The following CACNA2D3 variants were observed in gnomAD, a reference collection of about 807,000 sequenced individuals.
CACNA2D3 encodes voltage-dependent calcium channel subunit alpha-2/delta-3.
Under a neutral mutation model 160.6 loss-of-function variants are expected in CACNA2D3, and 60 were observed. That is an observed-to-expected ratio of 0.37 (90% CI 0.30 to 0.46). CACNA2D3 has a LOEUF of 0.46. Among genes scored for constraint, CACNA2D3 ranks in the 20% least tolerant of loss-of-function variants. The pLI is 1.00. For missense variants in CACNA2D3, 1,205 were observed against 1,365.0 expected, an observed-to-expected ratio of 0.88 and a Z score of 1.85; for synonymous variants, 558 against 492.9, an observed-to-expected ratio of 1.13 and a Z score of -1.75.
intron 5 of CACNA2D3, among the ~76,000 whole-genome samples, chr3:54,538,291 A>G (rs972037114): frequency 6.6e-6 from 1 of 152,176 alleles, no homozygotes; most frequent in Non-Finnish European, 1.5e-5. Flanking sequence ...CTATCAGCCA[A>G]TGAATCCCAT....
At chr3:54,961,304 G>A (rs576298818) in intron 27 of CACNA2D3, among the ~76,000 whole-genome samples, 3 of 152,276 alleles carry the variant, frequency 2.0e-5, no homozygotes, top group African/African-American at 7.2e-5. Context: ...TAAGAAATAT[G>A]ACCAGCAAGG....
At chr3:54,831,915 G>T (rs552341792) in intron 14 of CACNA2D3, among the ~76,000 whole-genome samples, 1 of 152,028 alleles carries the variant, frequency 6.6e-6, no homozygotes, top group Non-Finnish European at 1.5e-5. Flanking sequence ...GGCATTGGTG[G>T]AATTGATCTT....
intron 11 of CACNA2D3, among the ~76,000 whole-genome samples, chr3:54,715,857 T>G (rs1701041583): frequency 6.6e-6 from 1 of 152,222 alleles, no homozygotes; most frequent in Non-Finnish European, 1.5e-5. Flanking sequence ...AAGACAAATA[T>G]GTTTCATCTC....
chr3:54,263,482 C>T (rs569231714), intron 2 of CACNA2D3, among the ~76,000 whole-genome samples: 2 of 152,048 alleles, frequency 1.3e-5, no homozygotes, highest in Non-Finnish European at 1.5e-5. Context: ...GTAACTTGCC[C>T]AGGGTCACAC....
intron 12 of CACNA2D3, among the ~76,000 whole-genome samples, chr3:54,763,778 T>TAC (rs371030155): frequency 0.026 from 628 of 23,764 alleles, 89 homozygotes; most frequent in Non-Finnish European, 0.045. Flanking sequence ...TGTATATATG[T>TAC]ACATATATAT....
Position 54,478,281 on chromosome 3 carries a change from T to A in CACNA2D3, c.382-25211T>A, listed in dbSNP as rs117220017. Among the ~76,000 whole-genome samples, 187 of 152,240 alleles carry A rather than the reference T, an allele frequency of 1.2e-3. 1 individual carries two copies. Among genetic ancestry groups the A allele is most frequent in the African/African-American group, 4.0e-3 (168 of 41,558 alleles). ...CTCTTTGTATCTGCAGTTTCAGTTA[T>A]CTGAGGTGAACCATGGTCTGAAAAT... On this transcript the variant is annotated intron_variant, in intron 4 of 37. Transcript: ENST00000474759.
At chr3:54,833,889 G>A (rs1703931331) in intron 14 of CACNA2D3, among the ~76,000 whole-genome samples, 1 of 152,182 alleles carries the variant, frequency 6.6e-6, no homozygotes, top group African/African-American at 2.4e-5. Flanking sequence ...GGCCAAGCCA[G>A]TTCAAATTGG....
At chr3:54,990,912 A>G (rs1702724180) in intron 31 of CACNA2D3, among the ~76,000 whole-genome samples, 1 of 152,220 alleles carries the variant, frequency 6.6e-6, no homozygotes. Context: ...GTGTGAAACA[A>G]TCTAAGAGGC....
intron 2 of CACNA2D3, among the ~76,000 whole-genome samples, chr3:54,258,946 C>G (rs956661804): frequency 6.6e-5 from 10 of 152,226 alleles, no homozygotes; most frequent in Non-Finnish European, 1.5e-4. Context: ...ACTCATGTCT[C>G]TGCCATACTG....
intron 16 of CACNA2D3, among the ~76,000 whole-genome samples, chr3:54,842,975 G>A (rs1235354870): frequency 6.8e-6 from 1 of 147,704 alleles, no homozygotes; most frequent in Admixed American, 6.8e-5. Flanking sequence ...AAAAGTGAGT[G>A]TAGCTTTTTT....
intron 4 of CACNA2D3, among the ~76,000 whole-genome samples, chr3:54,414,066 T>C (rs534485862): frequency 2.6e-5 from 4 of 152,024 alleles, no homozygotes; most frequent in African/African-American, 9.6e-5. Flanking sequence ...TAAGAAATAG[T>C]ATAGTTTAAA....
At chr3:54,237,113 A>G (rs921270259) in intron 2 of CACNA2D3, among the ~76,000 whole-genome samples, 9 of 152,100 alleles carry the variant, frequency 5.9e-5, no homozygotes, top group Middle Eastern at 3.4e-3. Flanking sequence ...TTTGATTTCA[A>G]GGGTAGGAGG....
intron 27 of CACNA2D3, among the ~76,000 whole-genome samples, chr3:54,932,488 C>T (rs550401787): frequency 2.6e-5 from 4 of 152,232 alleles, no homozygotes; most frequent in South Asian, 2.1e-4. Context: ...ATATTCAACT[C>T]GCTACAACAA....
intron 3 of CACNA2D3, among the ~76,000 whole-genome samples, chr3:54,342,643 A>T (rs532807256): frequency 6.6e-6 from 1 of 152,234 alleles, no homozygotes. Context: ...CAAATCATTG[A>T]TAAGAACGGC....
chr3:54,896,773 G>T lies in CACNA2D3; in HGVS notation c.2271G>T (p.Lys757Asn). Residue 757 changes from lysine to asparagine, a missense_variant, in exon 26 of 38, where the codon AAG becomes AAT. By Grantham distance (94) the Lys-to-Asn change is moderately conservative (BLOSUM62 0). Coordinates refer to ENST00000474759, the MANE Select transcript of CACNA2D3 (RefSeq NM_018398.3). Reference sequence around the variant, plus strand: ...GGGACTTCCTGAAAGCTGGCGACAAGGAGAACATTTTTAACGCAGACCATT... The same window carrying T: ...GGGACTTCCTGAAAGCTGGCGACAATGAGAACATTTTTAACGCAGACCATT... The part of the protein sequence containing the change: ...TNQDFLKAGD[K>N]ENIFNADHFP... 6.2e-7 allele frequency: 1 copy of T among 1,613,998 alleles called. No individual in the cohort carries two copies. Among genetic ancestry groups the T allele is most frequent in the Non-Finnish European group, 8.5e-7 (1 of 1,179,860 alleles).
chr3:54,876,561 T>A (rs1033978414), intron 18 of CACNA2D3, among the ~76,000 whole-genome samples: 2 of 152,212 alleles, frequency 1.3e-5, no homozygotes, highest in Non-Finnish European at 2.9e-5. Flanking sequence ...AGAAATAATA[T>A]ATGATTTTTA....
At chr3:54,513,454 C>G (rs1297286012) in intron 5 of CACNA2D3, among the ~76,000 whole-genome samples, 2 of 152,184 alleles carry the variant, frequency 1.3e-5, no homozygotes, top group Non-Finnish European at 2.9e-5. Flanking sequence ...CCTACCCCAA[C>G]TCACTGAAGC....
intron 11 of CACNA2D3, among the ~76,000 whole-genome samples, chr3:54,744,476 A>G (rs1701712261): frequency 6.6e-6 from 1 of 152,172 alleles, no homozygotes; most frequent in South Asian, 2.1e-4. Flanking sequence ...AGGTAGGAGA[A>G]GGTTTATAGC....
intron 35 of CACNA2D3, among the ~76,000 whole-genome samples, chr3:55,066,066 T>C (rs143798792): frequency 1.3e-5 from 2 of 152,332 alleles, no homozygotes; most frequent in East Asian, 3.9e-4. Flanking sequence ...AGTCACCAAA[T>C]GTTTGCTCTC....
Sources: gnomAD v4.1 joint callset for allele counts (sites outside exome capture counted in the v4.1 genomes callset) on GRCh38, gnomAD v4.1.1 for gene constraint, MANE v1.5 for transcripts, NCBI Gene and HGNC (gene_info 2026-07-23, HGNC 2026-07-21) for gene names.